UPF2: variants seen among roughly 807,000 people sequenced by gnomAD.
UPF2 encodes the protein regulator of nonsense transcripts 2.
In UPF2, 17 loss-of-function variants were observed where a neutral mutation model predicts 141.4. That is an observed-to-expected ratio of 0.12 (90% CI 0.08 to 0.18). UPF2 has a LOEUF of 0.18. Ranked by LOEUF, UPF2 falls within the 10% of genes least tolerant of loss-of-function variation. The probability of loss-of-function intolerance (pLI) is 1.00; values close to 1 mark genes in which losing one functional copy is unlikely to be tolerated. For missense variants in UPF2, 1,152 were observed against 1,515.9 expected, an observed-to-expected ratio of 0.76 and a Z score of 3.99; for synonymous variants, 540 against 498.0, an observed-to-expected ratio of 1.08 and a Z score of -1.12.
chr10:11,963,647 C>T (rs1284639884), intron 11 of UPF2, among the ~76,000 whole-genome samples: 1 of 152,196 alleles, frequency 6.6e-6, no homozygotes, highest in East Asian at 1.9e-4. Flanking sequence ...TATGTGCTTA[C>T]ATGACACATG....
chr10:11,969,242 A>G (rs1010689594), intron 9 of UPF2, among the ~76,000 whole-genome samples: 8 of 149,482 alleles, frequency 5.4e-5, no homozygotes, highest in African/African-American at 2.0e-4. Flanking sequence ...ATCTCAGACC[A>G]CTGCAACCTC....
rs199556790 is a variant in UPF2 at position 12,014,175 on chromosome 10, T to C, written c.1155A>G (p.Leu385=). ...QNTERQNRRI[L]HSKGELSEDR... ...CTTCACTGAGCTCCCCTTTAGAATG[T>C]AGAATGCGCCTATAAACAAATGAAA... The change falls in exon 4 of 22, where the codon CTA becomes CTG. Residue 385 remains leucine (L), a synonymous_variant. Transcript: ENST00000357604. The surrounding 1 kb of genome is among the most constrained non-coding windows in gnomAD (Gnocchi z 5.0). 29 of 1,463,734 alleles carry C rather than the reference T, an allele frequency of 2.0e-5. No individual in the cohort carries two copies. The highest frequency in any genetic ancestry group is 3.6e-4 in the Middle Eastern group (2 of 5,570). The allele number at this position is 1,463,734 out of a possible 1,614,324, so 90.7% of individuals were successfully genotyped here. A position where few individuals can be genotyped will look rare whatever the true frequency, so the allele number is the denominator to read the frequency against.
chr10:12,035,104 T>C lies in UPF2; in HGVS notation c.320A>G (p.Glu107Gly), dbSNP rs1315340299. The C allele has an allele frequency of 1.3e-6, 2 of 1,586,266 alleles. 1 individual carries two copies. The highest frequency in any genetic ancestry group is 3.9e-5 in the Admixed American group (2 of 51,718). ...TTCTTCTTGCTGACGTTTGGCCTGC[T>C]CTTCTTGCTTCTTTCTCTCTTCCTC... ...HQEEERKKQE[E>G]QAKRQQEEEA... The change falls in exon 2 of 22, where the codon GAG (glutamate) becomes GGG (glycine). Residue 107 changes from glutamate (E) to glycine (G), a missense_variant. Transcript: ENST00000357604.
chr10:11,939,228 A>G lies in UPF2; in HGVS notation c.3379-2516T>C, dbSNP rs1832905797. On this transcript the variant is annotated intron_variant, in intron 18 of 21. Coordinates refer to ENST00000357604, the MANE Select transcript of UPF2 (RefSeq NM_015542.4). This position sits in a 1 kb window ranked among gnomAD's most constrained non-coding sequence, Gnocchi z 4.8. ...CTTTAGCTAAAGCAAAGGAATACTA[A>G]CAGTATCTGACAGCACTATGCAAAG... Among the ~76,000 whole-genome samples, 3 of 152,230 alleles carry G rather than the reference A, an allele frequency of 2.0e-5. No individual in the cohort carries two copies. The South Asian group carries it at 6.2e-4, about 32-fold the overall frequency.
intron 3 of UPF2, among the ~76,000 whole-genome samples, chr10:12,018,995 A>C (rs1722442): frequency 0.12 from 18,451 of 152,210 alleles, 1,186 homozygotes; most frequent in African/African-American, 0.14. Context: ...TATGACCAAA[A>C]TTTCTCATGT....
intron 18 of UPF2, among the ~76,000 whole-genome samples, chr10:11,937,102 C>G (rs931471340): frequency 6.6e-6 from 1 of 152,236 alleles, no homozygotes; most frequent in Non-Finnish European, 1.5e-5. Flanking sequence ...ATCACTGCAT[C>G]CCTTTCTCCA....
rs963770082 is a variant in UPF2, at chr10:11,931,627, A to G, written c.3688+14T>C. 6.3e-6 allele frequency: 10 copies of G among 1,579,612 alleles called. No homozygotes were observed. The African/African-American group carries it at 1.1e-4, about 17-fold the overall frequency. ...CAACAAAAATTTCCACTTCTCTTAT[A>G]GATGATTTTATACCTTGATAATCTT... is the stretch of plus-strand genomic sequence containing the variant. On this transcript the variant is annotated intron_variant, in intron 20 of 21. Transcript: ENST00000357604. This position sits in a 1 kb window ranked among gnomAD's most constrained non-coding sequence, Gnocchi z 5.9.
At chr10:11,941,083 A>T (rs1374072044) in intron 18 of UPF2, among the ~76,000 whole-genome samples, 1 of 152,100 alleles carries the variant, frequency 6.6e-6, no homozygotes. Context: ...GAAATGATAT[A>T]TTTGTTTAGT....
intron 18 of UPF2, among the ~76,000 whole-genome samples, chr10:11,942,004 T>C (rs375934621): frequency 6.6e-6 from 1 of 152,348 alleles, no homozygotes; most frequent in East Asian, 1.9e-4. Flanking sequence ...AAGAATTTAC[T>C]GAATTAAATG....
chr10:11,920,539 T>C lies in UPF2; in HGVS notation c.*759A>G, dbSNP rs748930053. Reference sequence around the variant, plus strand: ...CAATGATACTTACAATGGGCTCACCTAGATCCCTGTTCTTGGGCTGGTATC... The same window carrying C: ...CAATGATACTTACAATGGGCTCACCCAGATCCCTGTTCTTGGGCTGGTATC... On this transcript the variant is annotated 3_prime_UTR_variant, in exon 22 of 22. Coordinates refer to ENST00000357604, the MANE Select transcript of UPF2 (RefSeq NM_015542.4). The C allele has an allele frequency of 4.5e-5, 7 of 156,680 alleles. No homozygotes were observed. The highest frequency in any genetic ancestry group is 9.9e-5 in the Non-Finnish European group (7 of 70,602). 9.7% of individuals were successfully genotyped at this position (156,680 alleles called of 1,614,324 possible).
chr10:12,037,085 G>A (rs1382354849), intron 1 of UPF2, among the ~76,000 whole-genome samples: 5 of 152,116 alleles, frequency 3.3e-5, no homozygotes, highest in African/African-American at 9.7e-5. Flanking sequence ...AAATTTCTTA[G>A]TTTTATGTTT....
In UPF2 at chr10:11,952,057, A is replaced by G. The variant is rs756508285; in HGVS notation, c.3034+9T>C. ...CACCTTCATTTTCTGTCTGCAATCA[A>G]TTGCTTACCTAGTTTTATTAAGAAT... is the stretch of plus-strand genomic sequence containing the variant. On this transcript the variant is annotated intron_variant, in intron 15 of 21. Transcript: ENST00000357604. 13 of 1,612,252 alleles carry G rather than the reference A, an allele frequency of 8.1e-6. No individual in the cohort carries two copies. The East Asian group carries it at 1.1e-4, about 14-fold the overall frequency.
rs1834219534 is a variant in UPF2, at chr10:12,016,328, T to C, written c.1146-2144A>G. Among the ~76,000 whole-genome samples the C allele has an allele frequency of 6.6e-6, 1 of 152,002 alleles. No homozygotes were observed. The highest frequency in any genetic ancestry group is 2.4e-5 in the African/African-American group (1 of 41,422). On this transcript the variant is annotated intron_variant, in intron 3 of 21. Transcript: ENST00000357604. This position sits in a 1 kb window ranked among gnomAD's most constrained non-coding sequence, Gnocchi z 4.1. ...ATCCTCCCACCTCAAACTCCCAAAA[T>C]GTTGGGATTACAGGTGTGAGCCACC...
chr10:11,985,637 C>A (rs1014918588), intron 8 of UPF2, among the ~76,000 whole-genome samples: 207 of 145,688 alleles, frequency 1.4e-3, no homozygotes, highest in Admixed American at 7.2e-3. Context: ...AAAAAAAAAA[C>A]AAACAAACAA....
chr10:11,920,676 T>C lies in UPF2; in HGVS notation c.*622A>G, dbSNP rs150186531. Reference sequence around the variant, plus strand: ...CACTGACTCTGATGGATAAAACGGATTTTTCTCCCTCATCCCTTGTTCCTC... The same window carrying C: ...CACTGACTCTGATGGATAAAACGGACTTTTCTCCCTCATCCCTTGTTCCTC... On this transcript the variant is annotated 3_prime_UTR_variant, in exon 22 of 22. Coordinates refer to ENST00000357604, the MANE Select transcript of UPF2 (RefSeq NM_015542.4). 65 of 242,340 alleles carry C rather than the reference T, an allele frequency of 2.7e-4. No individual in the cohort carries two copies. The highest frequency in any genetic ancestry group is 1.4e-3 in the African/African-American group (63 of 44,398). The allele number at this position is 242,340 out of a possible 1,614,324, so 15.0% of individuals were successfully genotyped here.
At chr10:11,923,709 C>G (rs1478748604) in intron 21 of UPF2, among the ~76,000 whole-genome samples, 1 of 149,270 alleles carries the variant, frequency 6.7e-6, no homozygotes, top group African/African-American at 2.5e-5. Context: ...CGTGGTGGCA[C>G]ATGCCTGTAA....
chr10:12,017,825 G>T (rs1834250286), intron 3 of UPF2, among the ~76,000 whole-genome samples: 1 of 152,052 alleles, frequency 6.6e-6, no homozygotes, highest in Non-Finnish European at 1.5e-5. Context: ...CACGTGCCAT[G>T]GTGGTTTGCT....
At chr10:11,990,086 T>C (rs1195575832) in intron 8 of UPF2, among the ~76,000 whole-genome samples, 1 of 152,222 alleles carries the variant, frequency 6.6e-6, no homozygotes, top group African/African-American at 2.4e-5. Context: ...AAAGTCTGGC[T>C]GAAGCCACCC....
In UPF2 at chr10:11,948,568, T is replaced by C; in HGVS notation, c.3035-60A>G. The stretch of plus-strand genomic sequence containing the variant: ...TAAAAATAGACACAGGCTAGTTTTC[T>C]ACACTATACCAATTCATGTAAAAGT... On this transcript the variant is annotated intron_variant, in intron 15 of 21. Coordinates refer to ENST00000357604, the MANE Select transcript of UPF2 (RefSeq NM_015542.4). 6 of 1,549,332 alleles carry C rather than the reference T, an allele frequency of 3.9e-6. No individual in the cohort carries two copies. In the South Asian group the frequency reaches 7.0e-5, roughly 18 times the overall value.
Sources: allele counts gnomAD v4.1 joint callset (sites outside exome capture counted in the v4.1 genomes callset), GRCh38; gene constraint gnomAD v4.1.1; non-coding constraint Gnocchi (gnomAD v3.1); transcripts MANE v1.5; gene names NCBI Gene and HGNC (gene_info 2026-07-23, HGNC 2026-07-21).